Variants in PAX7 observed in about 807,000 individuals in gnomAD.
PAX7 encodes paired box 7.
PAX7 carries 18 observed loss-of-function variants against 50.7 expected under a neutral mutation model. The ratio of observed to expected loss-of-function variants is 0.36; its 90% CI spans 0.25 to 0.53. The LOEUF (loss-of-function observed/expected upper bound fraction) is 0.53. PAX7 is among the 20% of genes least tolerant of loss of function. PAX7 has a pLI of 0.93. For synonymous variants in PAX7, 310 were observed against 290.4 expected (o/e 1.07, Z -0.69); for missense variants, 644 against 702.9 (o/e 0.92, Z 0.95).
At chr1:18,712,709 G>A (rs2089369578) in intron 7 of PAX7, among the ~76,000 whole-genome samples, 2 of 152,178 alleles carry the variant, frequency 1.3e-5, no homozygotes, top group Admixed American at 6.5e-5. Context: ...AGAGAACTGG[G>A]TAGAATTCTG....
chr1:18,745,669 C>A lies in PAX7; in HGVS notation c.*740C>A, dbSNP rs893176935. On this transcript the variant is annotated 3_prime_UTR_variant, in exon 9 of 9. Transcript: ENST00000420770. The stretch of plus-strand genomic sequence containing the variant: ...GGGGGTGGGGCTTGTCAGCCGTGGG[C>A]CCGCCCAGGATACAAGGACCCAACT... 8.7e-6 allele frequency: 2 copies of A among 230,908 alleles called. No homozygotes were observed. Among genetic ancestry groups the A allele is most frequent in the African/African-American group, 2.2e-5 (1 of 45,196 alleles). 14.3% of individuals were successfully genotyped at this position (230,908 alleles called of 1,614,324 possible). A position where few individuals can be genotyped will look rare whatever the true frequency, so the allele number is the denominator to read the frequency against.
At chr1:18,691,304 T>C (rs948117169) in intron 4 of PAX7, among the ~76,000 whole-genome samples, 1 of 152,198 alleles carries the variant, frequency 6.6e-6, no homozygotes, top group African/African-American at 2.4e-5. Flanking sequence ...TCAGGATTAT[T>C]GAGGTATAGT....
At chr1:18,664,393 C>T (rs924495243) in intron 4 of PAX7, among the ~76,000 whole-genome samples, 6 of 152,154 alleles carry the variant, frequency 3.9e-5, no homozygotes, top group Admixed American at 2.0e-4. Context: ...TCGGGGAGGC[C>T]GGGAGGCGTA....
At position 18,736,072 on chromosome 1, in the gene PAX7, C is replaced by T. The variant is rs753310098; in HGVS notation, c.1402+194C>T. The T allele has an allele frequency of 2.0e-5, 21 of 1,046,152 alleles. No homozygotes were observed. The East Asian group carries it at 4.4e-4, about 22-fold the overall frequency. The allele number at this position is 1,046,152 out of a possible 1,614,324, so 64.8% of individuals were successfully genotyped here. A position where few individuals can be genotyped will look rare whatever the true frequency, so the allele number is the denominator to read the frequency against. The stretch of plus-strand genomic sequence containing the variant: ...CTGAGTTGGGCAAAACCCAGGACAT[C>T]TCCTGGCTAAGCCTCTGCTTCCGTA... On this transcript the variant is annotated intron_variant, in intron 8 of 8. Coordinates refer to ENST00000420770, the MANE Select transcript of PAX7 (RefSeq NM_001135254.2).
At chr1:18,723,208 C>T (rs1280633023) in intron 7 of PAX7, among the ~76,000 whole-genome samples, 1 of 152,172 alleles carries the variant, frequency 6.6e-6, no homozygotes, top group Non-Finnish European at 1.5e-5. Context: ...AGCTTCTCTT[C>T]AAACACCCGG....
At chr1:18,673,269 T>C (rs1570152773) in intron 4 of PAX7, among the ~76,000 whole-genome samples, 1 of 152,340 alleles carries the variant, frequency 6.6e-6, no homozygotes, top group East Asian at 1.9e-4. Context: ...CAAAGCTTAG[T>C]ACCTGGCATA....
At position 18,634,213 on chromosome 1, in the gene PAX7, A is replaced by G; in HGVS notation, c.86-90A>G. On this transcript the variant is annotated intron_variant, in intron 1 of 8. Coordinates refer to ENST00000420770, the MANE Select transcript of PAX7 (RefSeq NM_001135254.2). The surrounding 1 kb of genome is among the most constrained non-coding windows in gnomAD (Gnocchi z 4.0). ...GTCTGAGGTCTTGGGGCTCAAACAA[A>G]CAAAACTGGAGTCAGGGAGTGTACT... 1.9e-6 allele frequency: 2 copies of G among 1,073,678 alleles called. No homozygotes were observed. The highest frequency in any genetic ancestry group is 1.6e-5 in the African/African-American group (1 of 64,036). The allele number at this position is 1,073,678 out of a possible 1,614,324, so 66.5% of individuals were successfully genotyped here.
Position 18,695,047 on chromosome 1 carries a change from A to G in PAX7, c.786+3094A>G, listed in dbSNP as rs187391125. Among the ~76,000 whole-genome samples, 3 of 152,264 alleles carry G rather than the reference A, an allele frequency of 2.0e-5. No homozygotes were observed. The East Asian group carries it at 5.8e-4, about 29-fold the overall frequency. On this transcript the variant is annotated intron_variant, in intron 5 of 8. Coordinates refer to ENST00000420770, the MANE Select transcript of PAX7 (RefSeq NM_001135254.2). The stretch of plus-strand genomic sequence containing the variant: ...AATATCTCATCTCAGTGGACCTGGC[A>G]GATGGGTGGGTTAGTGGATTGGTTC...
rs1176310620 is a variant in PAX7, at chr1:18,700,856, C to T, written c.952+38C>T. 7.4e-7 allele frequency: 1 copy of T among 1,355,798 alleles called. No individual in the cohort carries two copies. The highest frequency in any genetic ancestry group is 1.5e-5 in the African/African-American group (1 of 65,710). The allele number at this position is 1,355,798 out of a possible 1,614,324, so 84.0% of individuals were successfully genotyped here. ...GCCCCGTCCTGCCATCTCAGTGGTGCCCCTTCCCTTCTTTCTTTACTTTCA... is the reference window on the plus strand; with the variant it reads ...GCCCCGTCCTGCCATCTCAGTGGTGTCCCTTCCCTTCTTTCTTTACTTTCA... On this transcript the variant is annotated intron_variant, in intron 6 of 8. Transcript: ENST00000420770. The surrounding 1 kb of genome is among the most constrained non-coding windows in gnomAD (Gnocchi z 4.8).
chr1:18,672,307 G>A (rs578256059), intron 4 of PAX7, among the ~76,000 whole-genome samples: 82 of 152,156 alleles, frequency 5.4e-4, no homozygotes, highest in Non-Finnish European at 9.4e-4. Flanking sequence ...CTTAGCCTCT[G>A]AGACCACCAA....
chr1:18,705,874 A>G (rs975702058), intron 7 of PAX7, among the ~76,000 whole-genome samples: 4 of 152,124 alleles, frequency 2.6e-5, no homozygotes, highest in Non-Finnish European at 5.9e-5. Context: ...GATGAATCGG[A>G]GAAGCTCAGA....
At chr1:18,725,092 T>C (rs751874063) in intron 7 of PAX7, among the ~76,000 whole-genome samples, 5 of 152,238 alleles carry the variant, frequency 3.3e-5, no homozygotes, top group Admixed American at 1.3e-4. Flanking sequence ...ATGGGGAAAC[T>C]GAGGCTTGTT....
intron 5 of PAX7, among the ~76,000 whole-genome samples, chr1:18,695,902 C>G (rs1202339434): frequency 6.6e-6 from 1 of 152,050 alleles, no homozygotes; most frequent in Non-Finnish European, 1.5e-5. Context: ...GTGTACAACG[C>G]CTCTTTACTT....
chr1:18,705,060 C>T (rs912956971), intron 7 of PAX7, among the ~76,000 whole-genome samples: 8 of 152,184 alleles, frequency 5.3e-5, no homozygotes, highest in Non-Finnish European at 8.8e-5. Flanking sequence ...TCTCAGGGTC[C>T]GCAGTATGAA....
intron 5 of PAX7, among the ~76,000 whole-genome samples, chr1:18,693,584 G>A (rs766992649): frequency 6.6e-6 from 1 of 152,184 alleles, no homozygotes; most frequent in Non-Finnish European, 1.5e-5. Flanking sequence ...ACACCCCTCC[G>A]CCCCCTGTCC....
chr1:18,698,053 C>G (rs1037549938), intron 5 of PAX7, among the ~76,000 whole-genome samples: 1 of 152,098 alleles, frequency 6.6e-6, no homozygotes, highest in Non-Finnish European at 1.5e-5. Context: ...CAACTTTATT[C>G]AGCATTCTTT....
intron 4 of PAX7, among the ~76,000 whole-genome samples, chr1:18,664,649 A>G (rs1189926589): frequency 2.0e-5 from 3 of 152,166 alleles, no homozygotes; most frequent in Non-Finnish European, 2.9e-5. Flanking sequence ...TCCGTTGCTC[A>G]GAGTCCCACA....
chr1:18,692,096 C>T lies in PAX7; in HGVS notation c.786+143C>T, dbSNP rs143118533. On this transcript the variant is annotated intron_variant, in intron 5 of 8. Transcript: ENST00000420770. ...GGGTTGTGTAGGCAAGTAATGCCAC[C>T]AGCATTTGATGCAGAGTTAGTTGGC... is the stretch of plus-strand genomic sequence containing the variant. The T allele has an allele frequency of 4.8e-5, 33 of 692,692 alleles. 1 individual carries two copies. The Admixed American group carries it at 8.8e-4, about 18-fold the overall frequency. 42.9% of individuals were successfully genotyped at this position (692,692 alleles called of 1,614,324 possible).
intron 7 of PAX7, among the ~76,000 whole-genome samples, chr1:18,718,399 C>T (rs538348990): frequency 2.0e-5 from 3 of 152,266 alleles, no homozygotes; most frequent in Non-Finnish European, 4.4e-5. Flanking sequence ...TCTCAATTTG[C>T]AGACTCCACC....
Sources: allele counts gnomAD v4.1 joint callset (sites outside exome capture counted in the v4.1 genomes callset), GRCh38; gene constraint gnomAD v4.1.1; non-coding constraint Gnocchi (gnomAD v3.1); transcripts MANE v1.5; gene names NCBI Gene and HGNC (gene_info 2026-07-23, HGNC 2026-07-21).